Variants in SH3D19 observed in about 807,000 individuals in gnomAD.
The protein encoded by SH3D19 is SH3 domain containing 19, also known as SH3 domain-containing protein 19.
SH3D19 carries 58 observed loss-of-function variants against 112.1 expected under a neutral mutation model. That is an observed-to-expected ratio of 0.52 (90% CI 0.42 to 0.64). The LOEUF is 0.64. Ranked by LOEUF, SH3D19 falls within the 30% of genes least tolerant of loss-of-function variation. The pLI is 0.00. For synonymous variants in SH3D19, 391 were observed against 448.5 expected (o/e 0.87, Z 1.62); for missense variants, 1,090 against 1,263.4 (o/e 0.86, Z 2.08).
chr4:151,222,606 AT>A (rs1040209264), intron 2 of SH3D19, among the ~76,000 whole-genome samples: 11 of 126,470 alleles, frequency 8.7e-5, no homozygotes, highest in African/African-American at 2.9e-4. Context: ...TTAGTCCTAG[AT>A]TTTTTTTTTA....
chr4:151,129,400 C>T (rs759781060), intron 17 of SH3D19, among the ~76,000 whole-genome samples: 14 of 152,152 alleles, frequency 9.2e-5, no homozygotes, highest in Middle Eastern at 3.2e-3. Flanking sequence ...GATGGAGTCT[C>T]GCTCTGTTGC....
chr4:151,160,255 T>A (rs1458678310), intron 8 of SH3D19, among the ~76,000 whole-genome samples: 1 of 151,866 alleles, frequency 6.6e-6, no homozygotes, highest in African/African-American at 2.4e-5. Context: ...CCTGCCTAAT[T>A]TTTTTGTATT....
intron 13 of SH3D19, among the ~76,000 whole-genome samples, chr4:151,138,486 G>A (rs1353283498): frequency 1.3e-5 from 2 of 151,852 alleles, no homozygotes; most frequent in African/African-American, 4.8e-5. Context: ...ATCACTTGAG[G>A]CCAGGAGTTC....
chr4:151,325,280 G>A lies in SH3D19; in HGVS notation c.73C>T (p.Arg25Cys). Residue 25 changes from arginine to cysteine, a missense_variant, in exon 1 of 20, where the codon CGC becomes TGC. Physicochemically the swap from Arg to Cys is radical, Grantham distance 180. Transcript: ENST00000604030. ...RERRELGGQRRARGRALSGHS... is the reference protein window; with the variant it reads ...RERRELGGQRCARGRALSGHS... ...CCCGAGAGCGCACGGCCCCGGGCGC[G>A]GCGCTGGCCACCAAGTTCGCGGCGC... The A allele has an allele frequency of 8.2e-7, 1 of 1,221,634 alleles. No homozygotes were observed. The highest frequency in any genetic ancestry group is 1.0e-6 in the Non-Finnish European group (1 of 981,400). 75.7% of individuals were successfully genotyped at this position (1,221,634 alleles called of 1,614,324 possible).
intron 2 of SH3D19, among the ~76,000 whole-genome samples, chr4:151,207,869 A>G (rs1289630436): frequency 6.6e-6 from 1 of 152,248 alleles, no homozygotes; most frequent in East Asian, 1.9e-4. Context: ...ACTAACAAAC[A>G]TCAAACTGAT....
intron 2 of SH3D19, among the ~76,000 whole-genome samples, chr4:151,213,090 T>G (rs1487093736): frequency 6.6e-6 from 1 of 152,300 alleles, no homozygotes; most frequent in East Asian, 1.9e-4. Flanking sequence ...AAAGCTTCAG[T>G]GGATGAGGAG....
At chr4:151,242,712 C>A (rs1489091998) in intron 1 of SH3D19, among the ~76,000 whole-genome samples, 1 of 152,086 alleles carries the variant, frequency 6.6e-6, no homozygotes. Context: ...ATTCTTTATA[C>A]CCTTGGGTGA....
At chr4:151,135,190 A>T in intron 14 of SH3D19, 58 bp from the exon 15 acceptor site, 1 of 1,409,262 alleles carries the variant, frequency 7.1e-7, no homozygotes, top group Non-Finnish European at 9.8e-7. Context: ...CATAAGATAA[A>T]TTTAAGGTTA....
chr4:151,136,855 C>A (rs7691584), intron 14 of SH3D19, among the ~76,000 whole-genome samples: 108,696 of 152,192 alleles, frequency 0.71, 43,810 homozygotes, highest in Non-Finnish European at 0.91. Context: ...CCTTCATAAT[C>A]CAAGAGACTC....
chr4:151,146,120 T>C lies in SH3D19; in HGVS notation c.2082+1802A>G, dbSNP rs143471651. Among the ~76,000 whole-genome samples, 699 of 152,334 alleles carry C rather than the reference T, an allele frequency of 4.6e-3. 4 individuals carry two copies. The highest frequency in any genetic ancestry group is 7.2e-3 in the Non-Finnish European group (493 of 68,036). On this transcript the variant is annotated intron_variant, in intron 11 of 19. Transcript: ENST00000604030. Reference sequence around the variant, plus strand: ...ATACTGCCTCCTTCTTATTTGTCTTTACCCTTCTCTAAAGAGGATTTTTGA... The same window carrying C: ...ATACTGCCTCCTTCTTATTTGTCTTCACCCTTCTCTAAAGAGGATTTTTGA...
chr4:151,164,818 T>C (rs978145379), intron 8 of SH3D19, among the ~76,000 whole-genome samples: 1 of 152,214 alleles, frequency 6.6e-6, no homozygotes, highest in Non-Finnish European at 1.5e-5. Flanking sequence ...GACCTCGTGA[T>C]CCACCTGCCT....
chr4:151,194,016 ATTTTTTT>A (rs201719037), intron 2 of SH3D19, among the ~76,000 whole-genome samples: 10 of 111,894 alleles, frequency 8.9e-5, no homozygotes, highest in East Asian at 7.7e-4. Flanking sequence ...AGTAGGATTA[ATTTTTTT>A]TTTTTTTTTT....
intron 1 of SH3D19, among the ~76,000 whole-genome samples, chr4:151,256,378 G>T (rs1286932149): frequency 3.3e-5 from 5 of 152,330 alleles, no homozygotes; most frequent in South Asian, 2.1e-4. Context: ...GCTGGAAGCA[G>T]AAGTATTTGA....
At chr4:151,127,140 T>G (rs1289538371) in intron 19 of SH3D19, among the ~76,000 whole-genome samples, 7 of 152,100 alleles carry the variant, frequency 4.6e-5, no homozygotes, top group Admixed American at 6.5e-5. Flanking sequence ...CTCGATCTCC[T>G]GACCTCGTGA....
chr4:151,233,256 A>G (rs1769754634), intron 1 of SH3D19, among the ~76,000 whole-genome samples: 1 of 151,890 alleles, frequency 6.6e-6, no homozygotes, highest in African/African-American at 2.4e-5. Context: ...TTATAATGTA[A>G]TAATAATATA....
At chr4:151,198,080 C>T (rs1395935658) in intron 2 of SH3D19, among the ~76,000 whole-genome samples, 9 of 151,278 alleles carry the variant, frequency 5.9e-5, no homozygotes, top group Non-Finnish European at 1.2e-4. Flanking sequence ...CTGAGGCGGG[C>T]GAATAACGAG....
At chr4:151,281,221 A>T (rs1012564144) in intron 1 of SH3D19, among the ~76,000 whole-genome samples, 1 of 152,174 alleles carries the variant, frequency 6.6e-6, no homozygotes, top group Admixed American at 6.5e-5. Flanking sequence ...GGAGATTTAC[A>T]CTTCTGGTGG....
intron 11 of SH3D19, among the ~76,000 whole-genome samples, chr4:151,145,445 T>C (rs1365654764): frequency 6.6e-6 from 1 of 152,022 alleles, no homozygotes. Context: ...AGTCTCCTGA[T>C]CTCCCTACCC....
At chr4:151,228,137 C>G in intron 1 of SH3D19, 3 of 704,088 alleles carry the variant, frequency 4.3e-6, no homozygotes, top group Non-Finnish European at 5.2e-6. Context: ...TTCTATTGAA[C>G]CAGTAATTAA....
Sources: gnomAD v4.1 joint callset for allele counts (sites outside exome capture counted in the v4.1 genomes callset) on GRCh38, gnomAD v4.1.1 for gene constraint, MANE v1.5 for transcripts, NCBI Gene and HGNC (gene_info 2026-07-23, HGNC 2026-07-21) for gene names.